SATB2: variants seen among roughly 807,000 people sequenced by gnomAD.
The protein encoded by SATB2 is SATB homeobox 2.
SATB2 carries 1 observed loss-of-function variant against 73.4 expected under a neutral mutation model. That is an observed-to-expected ratio of 0.01 (90% CI 0.00 to 0.06). The LOEUF is 0.06. Ranked by LOEUF, SATB2 falls within the 10% of genes least tolerant of loss-of-function variation. The probability of loss-of-function intolerance (pLI) is 1.00; values close to 1 mark genes in which losing one functional copy is unlikely to be tolerated. For synonymous variants in SATB2, 397 were observed against 367.0 expected (o/e 1.08, Z -0.93); for missense variants, 459 against 945.8 (o/e 0.49, Z 6.75).
intron 6 of SATB2, among the ~76,000 whole-genome samples, chr2:199,366,304 AC>A (rs2105847042): frequency 6.6e-6 from 1 of 152,222 alleles, no homozygotes; most frequent in South Asian, 2.1e-4. Context: ...AAGCAGGGAC[AC>A]AACTCTTACA....
intron 10 of SATB2, among the ~76,000 whole-genome samples, chr2:199,295,321 A>C (rs1692997001): frequency 6.6e-6 from 1 of 152,156 alleles, no homozygotes; most frequent in Non-Finnish European, 1.5e-5. Flanking sequence ...TTTATAAAAA[A>C]TAAATAATAC....
chr2:199,372,936 CAG>C (rs1689492417), intron 5 of SATB2, among the ~76,000 whole-genome samples: 2 of 152,250 alleles, frequency 1.3e-5, no homozygotes, highest in African/African-American at 4.8e-5. Flanking sequence ...CTTAGAAAAA[CAG>C]AGATCTGAGC....
At chr2:199,317,293 C>A (rs1687762238) in intron 9 of SATB2, among the ~76,000 whole-genome samples, 2 of 152,070 alleles carry the variant, frequency 1.3e-5, no homozygotes, top group Admixed American at 1.3e-4. Context: ...GTCTCAACAG[C>A]AAAGTGGTAG....
chr2:199,414,365 C>T (rs942007359), intron 3 of SATB2, among the ~76,000 whole-genome samples: 2 of 152,146 alleles, frequency 1.3e-5, no homozygotes, highest in Admixed American at 6.5e-5. Context: ...GGCAAGGGCA[C>T]CTTCAGGTCA....
intron 5 of SATB2, 63 bp from the exon 6 acceptor site, chr2:199,368,770 G>C: frequency 1.0e-6 from 1 of 971,424 alleles, no homozygotes; most frequent in African/African-American, 1.6e-5. Context: ...GGACAAGAAA[G>C]AGCACTTTAT....
At chr2:199,322,988 C>T (rs1257982041) in intron 9 of SATB2, among the ~76,000 whole-genome samples, 3 of 152,024 alleles carry the variant, frequency 2.0e-5, no homozygotes, top group Non-Finnish European at 4.4e-5. Flanking sequence ...CTTTTATTTC[C>T]TCCACTCTGC....
intron 5 of SATB2, among the ~76,000 whole-genome samples, chr2:199,374,980 A>C (rs1416318292): frequency 2.6e-5 from 4 of 151,792 alleles, no homozygotes; most frequent in Non-Finnish European, 5.9e-5. Context: ...AAAAAAAAAA[A>C]AAACCCCACA....
rs1417157270 is a variant in SATB2 at position 199,271,561 on chromosome 2, A to C, written c.*650T>G. On this transcript the variant is annotated 3_prime_UTR_variant, in exon 11 of 11. Transcript: ENST00000417098. ...CTGCCAGATAGGAAGCCATAGAATTAAAAAAAAAAAATCAGGGACAAACAC... is the reference window on the plus strand; with the variant it reads ...CTGCCAGATAGGAAGCCATAGAATTCAAAAAAAAAAATCAGGGACAAACAC... 1 of 41,396 alleles carries C rather than the reference A, an allele frequency of 2.4e-5. No homozygotes were observed. The highest frequency in any genetic ancestry group is 3.5e-4 in the Admixed American group (1 of 2,850). The allele number at this position is 41,396 out of a possible 1,614,324, so 2.6% of individuals were successfully genotyped here. A position where few individuals can be genotyped will look rare whatever the true frequency, so the allele number is the denominator to read the frequency against.
chr2:199,378,981 T>C (rs1046369383), intron 5 of SATB2, among the ~76,000 whole-genome samples: 2 of 152,194 alleles, frequency 1.3e-5, no homozygotes, highest in African/African-American at 4.8e-5. Context: ...ACAAAGCTCA[T>C]GGCACAGCAA....
chr2:199,305,096 T>A (rs192594100), intron 10 of SATB2, among the ~76,000 whole-genome samples: 1 of 152,330 alleles, frequency 6.6e-6, no homozygotes, highest in East Asian at 1.9e-4. Context: ...CAAAGGCACT[T>A]GTGGCTTTGA....
intron 3 of SATB2, among the ~76,000 whole-genome samples, chr2:199,382,306 T>C (rs1180947839): frequency 1.3e-5 from 2 of 152,210 alleles, no homozygotes; most frequent in Non-Finnish European, 2.9e-5. Context: ...TTGGAGCTCA[T>C]GAAGCAGTTA....
chr2:199,405,818 C>T (rs978278129), intron 3 of SATB2, among the ~76,000 whole-genome samples: 1 of 151,730 alleles, frequency 6.6e-6, no homozygotes, highest in Non-Finnish European at 1.5e-5. Flanking sequence ...AGCTTCAGGG[C>T]CAAACTCTCT....
intron 10 of SATB2, among the ~76,000 whole-genome samples, chr2:199,294,802 A>T (rs553914479): frequency 1.8e-4 from 28 of 152,316 alleles, no homozygotes; most frequent in African/African-American, 6.7e-4. Flanking sequence ...GCTCATTTTG[A>T]TCATAACAGA....
At chr2:199,314,674 G>A (rs1687682213) in intron 9 of SATB2, among the ~76,000 whole-genome samples, 2 of 152,114 alleles carry the variant, frequency 1.3e-5, no homozygotes, top group African/African-American at 4.8e-5. Flanking sequence ...TGTCATCATT[G>A]AGATTATGGC....
chr2:199,298,008 A>G (rs901312801), intron 10 of SATB2, among the ~76,000 whole-genome samples: 1 of 152,214 alleles, frequency 6.6e-6, no homozygotes. Context: ...AAACAACTGT[A>G]CTACATGCAA....
intron 6 of SATB2, among the ~76,000 whole-genome samples, chr2:199,365,618 A>G (rs1281093959): frequency 6.6e-6 from 1 of 152,204 alleles, no homozygotes; most frequent in Non-Finnish European, 1.5e-5. Flanking sequence ...TAAATAGTTT[A>G]GCTGAAATAA....
At chr2:199,279,436 C>T (rs924524055) in intron 10 of SATB2, among the ~76,000 whole-genome samples, 2 of 152,142 alleles carry the variant, frequency 1.3e-5, no homozygotes, top group Non-Finnish European at 2.9e-5. Flanking sequence ...GAAGTGAGAT[C>T]TTGAATGATT....
intron 10 of SATB2, among the ~76,000 whole-genome samples, chr2:199,275,843 A>T (rs1692297249): frequency 6.6e-6 from 1 of 152,174 alleles, no homozygotes; most frequent in Non-Finnish European, 1.5e-5. Context: ...GGCATCTCTA[A>T]AGTGAAACTG....
At chr2:199,330,390 G>A (rs1242039652) in intron 7 of SATB2, among the ~76,000 whole-genome samples, 1 of 152,188 alleles carries the variant, frequency 6.6e-6, no homozygotes, top group African/African-American at 2.4e-5. Context: ...CAATTTGGAT[G>A]TCATGTTACT....
Sources: allele counts gnomAD v4.1 joint callset (sites outside exome capture counted in the v4.1 genomes callset), GRCh38; gene constraint gnomAD v4.1.1; transcripts MANE v1.5; gene names NCBI Gene and HGNC (gene_info 2026-07-23, HGNC 2026-07-21).